LRP1: variants seen among roughly 807,000 people sequenced by gnomAD.
LRP1 encodes the protein prolow-density lipoprotein receptor-related protein 1.
In LRP1, 51 loss-of-function variants were observed where a neutral mutation model predicts 541.5. The observed-to-expected ratio is 0.09, with a 90% CI of 0.08 to 0.12. The LOEUF (loss-of-function observed/expected upper bound fraction) is 0.12, where lower values mean the gene tolerates loss of function less well. Ranked by LOEUF, LRP1 falls within the 10% of genes least tolerant of loss-of-function variation. LRP1 has a pLI of 1.00. For missense variants in LRP1, 3,878 were observed against 6,376.2 expected, an observed-to-expected ratio of 0.61 and a Z score of 13.34; for synonymous variants, 2,219 against 2,470.8, an observed-to-expected ratio of 0.90 and a Z score of 3.02.
rs1024449210 is a variant in LRP1 at position 57,191,454 on chromosome 12, C to T, written c.7371C>T (p.Arg2457=). ...TGGGCAGCAACATGAAGCTGCTGCG[C>T]GTGGACATCCCCCAGCAGCCCATGG... is the stretch of plus-strand genomic sequence containing the variant. ...KHVGSNMKLL[R]VDIPQQPMGI... Residue 2457 remains arginine, a synonymous_variant, in exon 44 of 89, where the codon CGC becomes CGT. Transcript: ENST00000243077. The T allele has an allele frequency of 6.8e-6, 11 of 1,611,272 alleles. No individual in the cohort carries two copies. Among genetic ancestry groups the T allele is most frequent in the Middle Eastern group, 1.7e-4 (1 of 5,992 alleles).
chr12:57,202,644 G>A (rs542230871), intron 68 of LRP1, 107 bp downstream of exon 68: 3 of 860,996 alleles, frequency 3.5e-6, no homozygotes, highest in South Asian at 3.1e-5. Flanking sequence ...ACCTCCCAGG[G>A]TGGGGGCAGG....
intron 1 of LRP1, among the ~76,000 whole-genome samples, chr12:57,136,864 C>T (rs1005431486): frequency 6.6e-6 from 1 of 152,198 alleles, no homozygotes; most frequent in Non-Finnish European, 1.5e-5. Context: ...CCCTATTTGT[C>T]ATACTGTGGA....
At chr12:57,180,556 G>T in intron 32 of LRP1, 77 bp downstream of exon 32, 2 of 1,607,626 alleles carry the variant, frequency 1.2e-6, no homozygotes, top group Non-Finnish European at 1.7e-6. Context: ...GGCTGGCTTG[G>T]GGCAGTCTCT....
intron 12 of LRP1, among the ~76,000 whole-genome samples, chr12:57,160,400 T>G (rs937608342): frequency 2.0e-5 from 3 of 152,174 alleles, no homozygotes; most frequent in African/African-American, 7.2e-5. Flanking sequence ...CGGCTCCTCC[T>G]GCCTCAGGGC....
At position 57,175,505 on chromosome 12, in the gene LRP1, T is replaced by C. The variant is rs1173966047; in HGVS notation, c.3593T>C (p.Val1198Ala). Residue 1198 changes from valine to alanine, a missense_variant, in exon 23 of 89, where the codon GTG becomes GCG. Val to Ala is a moderately conservative substitution (Grantham distance 64). Transcript: ENST00000243077. ...GGTGGCTGCAGCCACAACTGCTCAG[T>C]GGCACCTGGCGAAGGCATTGTGTGT... ...NNGGCSHNCS[V>A]APGEGIVCSC... 1 of 1,613,988 alleles carries C rather than the reference T, an allele frequency of 6.2e-7. No homozygotes were observed. Among genetic ancestry groups the C allele is most frequent in the South Asian group, 1.1e-5 (1 of 91,084 alleles).
intron 67 of LRP1, 137 bp from the exon 68 acceptor site, chr12:57,202,284 G>A (rs1217362340): frequency 5.0e-5 from 37 of 738,864 alleles, no homozygotes; most frequent in East Asian, 1.2e-4. Context: ...TCAAAACACC[G>A]CCTGGGCTCC....
intron 24 of LRP1, 113 bp downstream of exon 24, chr12:57,176,219 C>T (rs934841628): frequency 2.0e-6 from 2 of 1,021,570 alleles, no homozygotes; most frequent in African/African-American, 1.6e-5. Flanking sequence ...CCCCATCCCC[C>T]ACACTTCTGT....
In LRP1 at chr12:57,179,107, C is replaced by T; in HGVS notation, c.4738+86C>T. ...CCAGGATCCCGGTTGTCAGCTAAGGCAGAGTCCCAGTCGGGAGGGTCCCGA... is the reference window on the plus strand; with the variant it reads ...CCAGGATCCCGGTTGTCAGCTAAGGTAGAGTCCCAGTCGGGAGGGTCCCGA... On this transcript the variant is annotated intron_variant, in intron 28 of 88. Transcript: ENST00000243077. The surrounding 1 kb of genome is among the most constrained non-coding windows in gnomAD (Gnocchi z 6.8). The T allele has an allele frequency of 6.5e-7, 1 of 1,529,810 alleles. No individual in the cohort carries two copies. Among genetic ancestry groups the T allele is most frequent in the Non-Finnish European group, 8.8e-7 (1 of 1,136,242 alleles). The allele number at this position is 1,529,810 out of a possible 1,614,324, so 94.8% of individuals were successfully genotyped here. A position where few individuals can be genotyped will look rare whatever the true frequency, so the allele number is the denominator to read the frequency against.
At position 57,202,498 on chromosome 12, in the gene LRP1, GACA is replaced by G. The variant is rs2136743248; in HGVS notation, c.10675_10677del (p.Asn3559del). The G allele has an allele frequency of 6.2e-7, 1 of 1,613,472 alleles. No individual in the cohort carries two copies. Among genetic ancestry groups the G allele is most frequent in the Admixed American group, 1.7e-5 (1 of 60,002 alleles). On this transcript the variant is annotated inframe_deletion, in exon 68 of 89. Transcript: ENST00000243077. Reference sequence around the variant, plus strand: ...GCCCGGCCGCTGGCAGTGCGACTACGACAACGATTGCGGTGACAACTCCGATGA... The same window carrying G: ...GCCCGGCCGCTGGCAGTGCGACTACGACGATTGCGGTGACAACTCCGATGA...
chr12:57,193,108 G>T, intron 45 of LRP1, 68 bp from the exon 46 acceptor site: 1 of 1,598,424 alleles, frequency 6.3e-7, no homozygotes, highest in South Asian at 1.1e-5. Context: ...CAGCTCCCCG[G>T]GGGAGGAGGC....
intron 68 of LRP1, 153 bp downstream of exon 68, chr12:57,202,690 T>C (rs1447601071): frequency 6.4e-6 from 4 of 627,414 alleles, no homozygotes; most frequent in Non-Finnish European, 1.1e-5. Context: ...CCATGTCGTG[T>C]ATTTGAGTTT....
intron 19 of LRP1, among the ~76,000 whole-genome samples, chr12:57,167,998 G>A (rs1395327457): frequency 1.3e-5 from 2 of 152,220 alleles, no homozygotes; most frequent in African/African-American, 2.4e-5. Context: ...GTAAATGTGC[G>A]GGCAGGTGAC....
chr12:57,183,674 T>C lies in LRP1; in HGVS notation c.5795-101T>C. ...ACCTCCCCTTCAAGCACCTGGCCCCTCCGGCACTCTCTCACCTCTGTCTTG... is the reference window on the plus strand; with the variant it reads ...ACCTCCCCTTCAAGCACCTGGCCCCCCCGGCACTCTCTCACCTCTGTCTTG... On this transcript the variant is annotated intron_variant, in intron 35 of 88. Coordinates refer to ENST00000243077, the MANE Select transcript of LRP1 (RefSeq NM_002332.3). This position sits in a 1 kb window ranked among gnomAD's most constrained non-coding sequence, Gnocchi z 6.1. 6.5e-7 allele frequency: 1 copy of C among 1,536,422 alleles called. No homozygotes were observed.
In LRP1 at chr12:57,162,131, C is replaced by T. The variant is rs551116056; in HGVS notation, c.2203-186C>T. On this transcript the variant is annotated intron_variant, in intron 13 of 88. Transcript: ENST00000243077. The surrounding 1 kb of genome is among the most constrained non-coding windows in gnomAD (Gnocchi z 5.2). ...ATCCTTGCTGGATCACTCGATCACC[C>T]GCTGGCTTCAGGATCTACCATCCCA... is the stretch of plus-strand genomic sequence containing the variant. Among the ~76,000 whole-genome samples the T allele has an allele frequency of 4.2e-4, 64 of 152,206 alleles. No homozygotes were observed. The highest frequency in any genetic ancestry group is 1.4e-3 in the African/African-American group (60 of 41,522).
chr12:57,193,089 T>C (rs2036451380), intron 45 of LRP1, 87 bp from the exon 46 acceptor site: 1 of 1,584,772 alleles, frequency 6.3e-7, no homozygotes, highest in South Asian at 1.1e-5. Context: ...AAGACGCTGA[T>C]GATGACCTCA....
rs751669827 is a variant in LRP1 at position 57,145,373 on chromosome 12, G to A, written c.724G>A (p.Val242Ile). The A allele has an allele frequency of 2.3e-5, 37 of 1,614,050 alleles. No individual in the cohort carries two copies. The highest frequency in any genetic ancestry group is 2.7e-5 in the Non-Finnish European group (32 of 1,180,046). ...GGACTTCAGCTATGCCAACGAGACC[G>A]TATGCTGGGTGCATGTTGGGGACAG... The part of the protein sequence containing the change: ...AMDFSYANET[V>I]CWVHVGDSAA... The change falls in exon 6 of 89, where the codon GTA becomes ATA. Residue 242 changes from valine to isoleucine, a missense_variant. By Grantham distance (29) the Val-to-Ile change is conservative (BLOSUM62 3). Around this residue, in one of 13 missense-constraint regions of LRP1, gnomAD observed 293 missense variants for 403.7 expected, o/e 0.73. Coordinates refer to ENST00000243077, the MANE Select transcript of LRP1 (RefSeq NM_002332.3).
In LRP1 at chr12:57,145,306, G is replaced by A; in HGVS notation, c.657G>A (p.Val219=). 5.6e-6 allele frequency: 9 copies of A among 1,614,198 alleles called. No homozygotes were observed. Among genetic ancestry groups the A allele is most frequent in the Non-Finnish European group, 6.8e-6 (8 of 1,180,044 alleles). The change falls in exon 6 of 89, where the codon GTG becomes GTA. Residue 219 remains valine (V), a synonymous_variant. Transcript: ENST00000243077. ...ILATYLSGAQ[V]STITPTSTRQ... Reference sequence around the variant, plus strand: ...CCACGTACCTGAGTGGGGCCCAGGTGTCTACCATCACACCTACGAGCACGC... The same window carrying A: ...CCACGTACCTGAGTGGGGCCCAGGTATCTACCATCACACCTACGAGCACGC...
chr12:57,128,519 C>T lies in LRP1; in HGVS notation c.-446C>T, dbSNP rs941736482. 1 of 381,236 alleles carries T rather than the reference C, an allele frequency of 2.6e-6. No homozygotes were observed. 23.6% of individuals were successfully genotyped at this position (381,236 alleles called of 1,614,324 possible). ...GGGAACAGCGGTGCGAGCTCCAGGC[C>T]CATGCACTGAGGAGGCGGAAACAAG... On this transcript the variant is annotated 5_prime_UTR_variant, in exon 1 of 89. Coordinates refer to ENST00000243077, the MANE Select transcript of LRP1 (RefSeq NM_002332.3).
At chr12:57,134,768 G>C (rs1332741729) in intron 1 of LRP1, among the ~76,000 whole-genome samples, 2 of 151,776 alleles carry the variant, frequency 1.3e-5, no homozygotes, top group African/African-American at 4.8e-5. Flanking sequence ...GCAGTGGCGC[G>C]ATCTCAGTTC....
Sources: gnomAD v4.1 joint callset for allele counts (sites outside exome capture counted in the v4.1 genomes callset) on GRCh38, gnomAD v4.1.1 for gene constraint, gnomAD v4.1.1 regional missense constraint, Gnocchi (gnomAD v3.1) non-coding constraint, MANE v1.5 for transcripts, NCBI Gene and HGNC (gene_info 2026-07-23, HGNC 2026-07-21) for gene names.